Variants in GCM1 observed in about 807,000 individuals in gnomAD.
GCM1 encodes the protein chorion-specific transcription factor GCMa.
In GCM1, 2 loss-of-function variants were observed where a neutral mutation model predicts 25.7. The ratio of observed to expected loss-of-function variants is 0.08; its 90% confidence interval spans 0.03 to 0.24. The LOEUF (loss-of-function observed/expected upper bound fraction) is 0.24. Ranked by LOEUF, GCM1 falls within the 10% of genes least tolerant of loss-of-function variation. The pLI is 1.00. For synonymous variants in GCM1, 183 were observed against 195.7 expected, an observed-to-expected ratio of 0.94 and a Z score of 0.54; for missense variants, 395 against 538.7, an observed-to-expected ratio of 0.73 and a Z score of 2.64.
In GCM1 at chr6:53,132,130, G is replaced by A; in HGVS notation, c.329-11C>T. On this transcript the variant is annotated splice_polypyrimidine_tract_variant and intron_variant, in intron 3 of 5. Coordinates refer to ENST00000259803, the MANE Select transcript of GCM1 (RefSeq NM_003643.4). ...TGGGACAGCGTTTCCCTACAAAAGA[G>A]CAGAGGAAAATGACCACACCTGGCT... The A allele has an allele frequency of 6.4e-7, 1 of 1,558,592 alleles. No individual in the cohort carries two copies. Among genetic ancestry groups the A allele is most frequent in the African/African-American group, 1.4e-5 (1 of 73,920 alleles).
chr6:53,144,942 G>A (rs1188366478), intron 2 of GCM1, among the ~76,000 whole-genome samples: 12 of 106,988 alleles, frequency 1.1e-4, no homozygotes, highest in South Asian at 2.8e-4. Flanking sequence ...AGTAGAGGAA[G>A]AAGAAAGAAA....
At chr6:53,144,286 GTGGT>G (rs1763921795) in intron 2 of GCM1, among the ~76,000 whole-genome samples, 2 of 151,846 alleles carry the variant, frequency 1.3e-5, no homozygotes, top group African/African-American at 4.8e-5. Context: ...TTAGCCAGGA[GTGGT>G]GGCACATGCC....
intron 3 of GCM1, among the ~76,000 whole-genome samples, chr6:53,132,831 A>G (rs1402868451): frequency 6.6e-6 from 1 of 152,236 alleles, no homozygotes; most frequent in Non-Finnish European, 1.5e-5. Flanking sequence ...GACTGATACC[A>G]GGTCCTGACC....
intron 2 of GCM1, among the ~76,000 whole-genome samples, chr6:53,142,472 C>T (rs1000722447): frequency 5.9e-5 from 9 of 152,176 alleles, no homozygotes; most frequent in African/African-American, 1.9e-4. Context: ...TGTTGAACTT[C>T]GTATTGCTCT....
At chr6:53,130,070 C>T (rs913764278) in intron 5 of GCM1, among the ~76,000 whole-genome samples, 4 of 152,076 alleles carry the variant, frequency 2.6e-5, no homozygotes, top group Non-Finnish European at 5.9e-5. Context: ...AGGAAATAGC[C>T]ATTTGGGTTT....
intron 2 of GCM1, among the ~76,000 whole-genome samples, chr6:53,142,416 T>C (rs375039069): frequency 6.6e-6 from 1 of 152,202 alleles, no homozygotes; most frequent in South Asian, 2.1e-4. Context: ...ATGCACAGGA[T>C]GGTGAAAAAG....
intron 5 of GCM1, among the ~76,000 whole-genome samples, chr6:53,130,016 A>T (rs958170242): frequency 6.6e-6 from 1 of 152,184 alleles, no homozygotes; most frequent in African/African-American, 2.4e-5. Flanking sequence ...TGGATGAGAG[A>T]CTGAAATGCC....
At chr6:53,145,820 A>G (rs1312706209) in intron 1 of GCM1, 52 bp from the exon 2 acceptor site, 1 of 482,786 alleles carries the variant, frequency 2.1e-6, no homozygotes, top group Non-Finnish European at 3.6e-6. Context: ...TTAAAAAAAA[A>G]CCCCAATGCT....
chr6:53,131,911 G>A (rs1361583988), intron 4 of GCM1, 96 bp downstream of exon 4: 22 of 762,244 alleles, frequency 2.9e-5, no homozygotes, highest in Non-Finnish European at 4.5e-5. Context: ...GTGAGCCCTC[G>A]GGGATGGTGC....
At chr6:53,134,001 A>G in intron 3 of GCM1, 71 bp downstream of exon 3, 1 of 1,446,738 alleles carries the variant, frequency 6.9e-7, no homozygotes, top group Non-Finnish European at 9.5e-7. Context: ...GTGCTGGGAC[A>G]CAGTGACCCA....
In GCM1 at chr6:53,131,406, T is replaced by C. The variant is rs535526386; in HGVS notation, c.442-475A>G. Among the ~76,000 whole-genome samples, 8 of 152,328 alleles carry C rather than the reference T, an allele frequency of 5.3e-5. No individual in the cohort carries two copies. The South Asian group carries it at 1.7e-3, about 32-fold the overall frequency. On this transcript the variant is annotated intron_variant, in intron 4 of 5. Transcript: ENST00000259803. ...AGTCAATAGTTAAACATTCAGGAAT[T>C]TTGTAGGCTGATTGTTAAAAATGAC... is the stretch of plus-strand genomic sequence containing the variant.
chr6:53,146,194 TTATATA>T (rs201484737), intron 1 of GCM1, among the ~76,000 whole-genome samples: 8 of 100,950 alleles, frequency 7.9e-5, no homozygotes, highest in African/African-American at 3.3e-4. Flanking sequence ...CATATATGTT[TTATATA>T]TATATATATA....
chr6:53,142,870 C>CAAAAAAAAAAAAAAAAAAAAAA (rs60718730), intron 2 of GCM1, among the ~76,000 whole-genome samples: 1 of 37,510 alleles, frequency 2.7e-5, no homozygotes, highest in African/African-American at 7.1e-5. Flanking sequence ...CAAGGATCTC[C>CAAAAAAAAAAAAAAAAAAAAAA]AAAAAAAAAA....
At chr6:53,132,908 A>G (rs1278991454) in intron 3 of GCM1, among the ~76,000 whole-genome samples, 1 of 152,228 alleles carries the variant, frequency 6.6e-6, no homozygotes, top group African/African-American at 2.4e-5. Flanking sequence ...GAAGTGGGCA[A>G]TGTACAGGGC....
At chr6:53,131,911 G>C in intron 4 of GCM1, 96 bp downstream of exon 4, 2 of 762,362 alleles carry the variant, frequency 2.6e-6, no homozygotes, top group Admixed American at 3.8e-5. Context: ...GTGAGCCCTC[G>C]GGGATGGTGC....
chr6:53,138,951 G>GT, intron 2 of GCM1, among the ~76,000 whole-genome samples: 1 of 152,164 alleles, frequency 6.6e-6, no homozygotes, highest in Non-Finnish European at 1.5e-5. Flanking sequence ...AATGAAGTAT[G>GT]TATTGTTATA....
intron 2 of GCM1, among the ~76,000 whole-genome samples, chr6:53,142,870 CAAAAAA>C (rs60718730): frequency 5.3e-5 from 2 of 37,510 alleles, no homozygotes; most frequent in Non-Finnish European, 1.2e-4. Flanking sequence ...CAAGGATCTC[CAAAAAA>C]AAAAAAAAAA....
chr6:53,132,857 AAAAC>A (rs1325349904), intron 3 of GCM1, among the ~76,000 whole-genome samples: 5 of 152,260 alleles, frequency 3.3e-5, no homozygotes, highest in African/African-American at 7.2e-5. Flanking sequence ...GCAAGTTTTT[AAAAC>A]AAACTACTGG....
chr6:53,148,238 A>AT (rs1180180633), intron 1 of GCM1, among the ~76,000 whole-genome samples: 1 of 152,210 alleles, frequency 6.6e-6, no homozygotes, highest in Non-Finnish European at 1.5e-5. Flanking sequence ...CAGTAACGAT[A>AT]TTGTCTCTGA....
Sources: allele counts gnomAD v4.1 joint callset (sites outside exome capture counted in the v4.1 genomes callset), GRCh38; gene constraint gnomAD v4.1.1; transcripts MANE v1.5; gene names NCBI Gene and HGNC (gene_info 2026-07-23, HGNC 2026-07-21).